The following SHANK2 variants were observed in gnomAD, a reference collection of about 807,000 sequenced individuals.
SHANK2 encodes SH3 and multiple ankyrin repeat domains protein 2.
SHANK2 carries 43 observed loss-of-function variants against 133.7 expected under a neutral mutation model. The observed-to-expected ratio is 0.32, with a 90% CI of 0.25 to 0.41. SHANK2 has a LOEUF of 0.41. SHANK2 is among the 10% of genes least tolerant of loss of function. The pLI, the probability that SHANK2 is intolerant of heterozygous loss-of-function variation, is 1.00. For missense variants in SHANK2, 1,994 were observed against 2,235.8 expected (o/e 0.89, Z 2.18); for synonymous variants, 1,017 against 952.8 (o/e 1.07, Z -1.24).
At chr11:70,946,533 C>T (rs1173190560) in intron 10 of SHANK2, among the ~76,000 whole-genome samples, 39 of 147,784 alleles carry the variant, frequency 2.6e-4, no homozygotes, top group Middle Eastern at 7.4e-3. Flanking sequence ...CATCCCTCTC[C>T]ACTAACCAAC....
chr11:70,791,599 A>G (rs1947787201), intron 14 of SHANK2, among the ~76,000 whole-genome samples: 1 of 152,236 alleles, frequency 6.6e-6, no homozygotes, highest in Non-Finnish European at 1.5e-5. Flanking sequence ...GTCTACTCAG[A>G]GCTAGCCAGA....
intron 6 of SHANK2, among the ~76,000 whole-genome samples, chr11:71,096,748 T>C (rs1951621539): frequency 6.6e-6 from 1 of 152,226 alleles, no homozygotes; most frequent in Admixed American, 6.5e-5. Flanking sequence ...GACTGTTCCC[T>C]TTTGCCCAAT....
chr11:71,185,010 C>T (rs1481994140), intron 2 of SHANK2, among the ~76,000 whole-genome samples: 19 of 152,202 alleles, frequency 1.2e-4, no homozygotes, highest in African/African-American at 4.3e-4. Context: ...CACAGCTGTC[C>T]CGTCTGTACC....
chr11:70,499,778 G>A (rs971997841), intron 21 of SHANK2, among the ~76,000 whole-genome samples: 4 of 152,212 alleles, frequency 2.6e-5, no homozygotes, highest in African/African-American at 7.2e-5. Context: ...CAGAGAGGCC[G>A]CTGGGATGAC....
intron 15 of SHANK2, among the ~76,000 whole-genome samples, chr11:70,674,185 GCT>G (rs1357739590): frequency 3.9e-5 from 6 of 152,108 alleles, no homozygotes; most frequent in Non-Finnish European, 5.9e-5. Flanking sequence ...GCTTCCTGAA[GCT>G]CTCACCAGAA....
At chr11:70,601,508 CA>C (rs1262726440) in intron 17 of SHANK2, among the ~76,000 whole-genome samples, 1 of 152,138 alleles carries the variant, frequency 6.6e-6, no homozygotes, top group Non-Finnish European at 1.5e-5. Flanking sequence ...TGCACAACCG[CA>C]CCTGGCCAAT....
At chr11:70,954,588 G>T (rs1300399206) in intron 10 of SHANK2, among the ~76,000 whole-genome samples, 1 of 152,190 alleles carries the variant, frequency 6.6e-6, no homozygotes, top group Non-Finnish European at 1.5e-5. Context: ...ACTTTCATGG[G>T]CTGAGTCCTC....
chr11:70,599,863 AAAAG>A (rs797024328), intron 17 of SHANK2, among the ~76,000 whole-genome samples: 21,657 of 68,256 alleles, frequency 0.32, 3,219 homozygotes, highest in East Asian at 0.52. Flanking sequence ...GAAAGAAATA[AAAAG>A]AAAGAAAGAA....
chr11:70,839,258 A>G (rs1948867662), intron 11 of SHANK2, among the ~76,000 whole-genome samples: 2 of 152,262 alleles, frequency 1.3e-5, no homozygotes, highest in South Asian at 4.1e-4. Flanking sequence ...TGTGGGCTCC[A>G]GAACTCAGAC....
intron 11 of SHANK2, among the ~76,000 whole-genome samples, chr11:70,844,366 G>A (rs373540529): frequency 1.3e-5 from 2 of 150,930 alleles, no homozygotes; most frequent in Admixed American, 6.6e-5. Context: ...CGGGGGCGGG[G>A]CATGAAAATC....
At chr11:70,553,925 C>A (rs1554978857) in intron 17 of SHANK2, among the ~76,000 whole-genome samples, 2 of 152,218 alleles carry the variant, frequency 1.3e-5, no homozygotes, top group Admixed American at 1.3e-4. Flanking sequence ...GGGGTCCCTG[C>A]GTGTGCCGCA....
intron 14 of SHANK2, among the ~76,000 whole-genome samples, chr11:70,712,464 C>T (rs1226818436): frequency 6.6e-6 from 1 of 152,206 alleles, no homozygotes; most frequent in African/African-American, 2.4e-5. Context: ...CACAGCTGGG[C>T]AGGCTGTGCT....
chr11:70,872,019 G>A (rs1555070282), intron 11 of SHANK2, among the ~76,000 whole-genome samples: 1 of 152,130 alleles, frequency 6.6e-6, no homozygotes, highest in East Asian at 1.9e-4. Context: ...AGAGCCAGAG[G>A]TGCCTTGGCA....
At chr11:71,122,683 T>G (rs1484518607) in intron 3 of SHANK2, among the ~76,000 whole-genome samples, 1 of 152,136 alleles carries the variant, frequency 6.6e-6, no homozygotes, top group Non-Finnish European at 1.5e-5. Context: ...CACGGCATCA[T>G]GCACACGGGG....
At chr11:70,511,318 T>C (rs1483636894) in intron 17 of SHANK2, among the ~76,000 whole-genome samples, 4 of 152,234 alleles carry the variant, frequency 2.6e-5, no homozygotes, top group African/African-American at 9.6e-5. Context: ...ATCTTTAGAA[T>C]TTCCCAGCCT....
chr11:70,805,155 G>A (rs1316127901), intron 13 of SHANK2, among the ~76,000 whole-genome samples: 1 of 152,092 alleles, frequency 6.6e-6, no homozygotes, highest in Non-Finnish European at 1.5e-5. Flanking sequence ...TGCCCTACAG[G>A]AACTGCCAGC....
In SHANK2 at chr11:70,487,065, G is replaced by C. The variant is rs1354999073; in HGVS notation, c.3228C>G (p.Ser1076Arg). ...CTCCGGCGATGGCGGCGGCAAAGGGGCTGCTGACGGTCAGGCTTTCGTCAG... is the reference window on the plus strand; with the variant it reads ...CTCCGGCGATGGCGGCGGCAAAGGGCCTGCTGACGGTCAGGCTTTCGTCAG... ...LRPDESLTVSSPFAAAIAGAV... is the reference protein window; with the variant it reads ...LRPDESLTVSRPFAAAIAGAV... Residue 1076 changes from serine to arginine, a missense_variant, in exon 25 of 26, where the codon AGC (serine) becomes AGG (arginine). By Grantham distance (110) the Ser-to-Arg change is moderately radical. Around this residue, in one of 5 missense-constraint regions of SHANK2, gnomAD observed 488 missense variants for 642.6 expected, o/e 0.76. Transcript: ENST00000601538. The surrounding 1 kb of genome is among the most constrained non-coding windows in gnomAD (Gnocchi z 5.8). 1.1e-5 allele frequency: 17 copies of C among 1,609,380 alleles called. No individual in the cohort carries two copies. Among genetic ancestry groups the C allele is most frequent in the South Asian group, 4.4e-5 (4 of 91,036 alleles).
chr11:70,759,532 G>A (rs1183214981), intron 14 of SHANK2, among the ~76,000 whole-genome samples: 5 of 152,148 alleles, frequency 3.3e-5, no homozygotes, highest in Non-Finnish European at 7.3e-5. Flanking sequence ...GATGGGACAG[G>A]AGGTTGGGCA....
At chr11:70,863,001 G>A (rs781897750) in intron 11 of SHANK2, 44 of 312,476 alleles carry the variant, frequency 1.4e-4, no homozygotes, top group Non-Finnish European at 2.3e-4. Flanking sequence ...TGGGCTAAAA[G>A]GTGTGAGCTG....
Sources: allele counts gnomAD v4.1 joint callset (sites outside exome capture counted in the v4.1 genomes callset), GRCh38; gene constraint gnomAD v4.1.1; regional missense constraint gnomAD v4.1.1; non-coding constraint Gnocchi (gnomAD v3.1); transcripts MANE v1.5; gene names NCBI Gene and HGNC (gene_info 2026-07-23, HGNC 2026-07-21).